RGS6: variants seen among roughly 807,000 people sequenced by gnomAD.
RGS6 encodes regulator of G protein signaling 6, also known as regulator of G-protein signaling 6.
A neutral mutation model predicts 78.5 loss-of-function variants in RGS6; 30 were observed. The ratio of observed to expected loss-of-function variants is 0.38; its 90% CI spans 0.29 to 0.52. The LOEUF (loss-of-function observed/expected upper bound fraction) is 0.52, where lower values mean the gene tolerates loss of function less well. Among genes scored for constraint, RGS6 ranks in the 20% least tolerant of loss-of-function variants. The pLI, the probability that RGS6 is intolerant of heterozygous loss-of-function variation, is 0.85. For missense variants in RGS6, 495 were observed against 609.7 expected (o/e 0.81, Z 1.98); for synonymous variants, 206 against 206.0 (o/e 1.00, Z 0.00).
intron 2 of RGS6, among the ~76,000 whole-genome samples, chr14:71,978,001 A>G (rs1386260168): frequency 2.0e-5 from 3 of 151,396 alleles, no homozygotes; most frequent in African/African-American, 4.9e-5. Flanking sequence ...TTGGATTCCT[A>G]GGTATTTTAT....
chr14:71,981,313 T>G lies in RGS6; in HGVS notation c.84+16438T>G, dbSNP rs1031938051. The stretch of plus-strand genomic sequence containing the variant: ...TGTTCCGTTGCTGGTGAGGAACTGC[T>G]TCCCTTTGGAGGAGGAGAGGCGCTC... On this transcript the variant is annotated intron_variant, in intron 2 of 17. Transcript: ENST00000553525. Among the ~76,000 whole-genome samples, 45 of 152,302 alleles carry G rather than the reference T, an allele frequency of 3.0e-4. 1 individual carries two copies. The highest frequency in any genetic ancestry group is 8.9e-4 in the African/African-American group (37 of 41,562).
chr14:71,877,294 C>T, the RGS6 span, among the ~76,000 whole-genome samples: 7 of 152,286 alleles, frequency 4.6e-5, no homozygotes, highest in South Asian at 2.1e-4. Flanking sequence ...CCATTCTCCC[C>T]GTCACTTTCA....
chr14:72,489,645 G>A (rs1247262182), intron 12 of RGS6, among the ~76,000 whole-genome samples: 1 of 152,182 alleles, frequency 6.6e-6, no homozygotes, highest in African/African-American at 2.4e-5. Flanking sequence ...GACAAAGACA[G>A]AGATGAAAGT....
chr14:72,421,139 C>G (rs2094156281), intron 3 of RGS6: 1 of 150,528 alleles, frequency 6.6e-6, no homozygotes, highest in South Asian at 2.1e-4. Flanking sequence ...GAGAGGATCT[C>G]TTTTCCCCTG....
At chr14:72,093,461 C>A (rs1051482930) in intron 2 of RGS6, among the ~76,000 whole-genome samples, 1 of 152,162 alleles carries the variant, frequency 6.6e-6, no homozygotes, top group Admixed American at 6.5e-5. Flanking sequence ...CCAGGGTGGT[C>A]TTGAACTCCT....
intron 1 of RGS6, among the ~76,000 whole-genome samples, chr14:71,946,258 C>T (rs2091492338): frequency 6.6e-6 from 1 of 152,096 alleles, no homozygotes; most frequent in Non-Finnish European, 1.5e-5. Flanking sequence ...GCATTCTTCC[C>T]AGTTGCAGAA....
intron 2 of RGS6, among the ~76,000 whole-genome samples, chr14:72,038,727 C>T (rs1246970216): frequency 6.6e-6 from 1 of 152,156 alleles, no homozygotes; most frequent in Non-Finnish European, 1.5e-5. Flanking sequence ...TTATTGCTAA[C>T]ACATAAAAAT....
At chr14:72,224,565 C>A (rs974651591) in intron 2 of RGS6, among the ~76,000 whole-genome samples, 2 of 151,618 alleles carry the variant, frequency 1.3e-5, no homozygotes, top group Admixed American at 6.6e-5. Flanking sequence ...TTTAGTACTT[C>A]TTATTATATA....
intron 2 of RGS6, among the ~76,000 whole-genome samples, chr14:72,092,297 T>TG (rs1037025766): frequency 6.6e-6 from 1 of 152,110 alleles, no homozygotes; most frequent in Non-Finnish European, 1.5e-5. Flanking sequence ...AGTGAGCTTA[T>TG]GTCTTTTTGA....
At chr14:72,121,059 C>T (rs1427568286) in intron 2 of RGS6, among the ~76,000 whole-genome samples, 1 of 152,148 alleles carries the variant, frequency 6.6e-6, no homozygotes, top group East Asian at 1.9e-4. Flanking sequence ...TACAGGATTC[C>T]TGGTCCAGCT....
At chr14:72,017,665 T>C (rs1369020206) in intron 2 of RGS6, among the ~76,000 whole-genome samples, 2 of 152,232 alleles carry the variant, frequency 1.3e-5, no homozygotes, top group Non-Finnish European at 2.9e-5. Context: ...ATAGTAACCT[T>C]TCTTGTCTCA....
In RGS6 at chr14:72,102,000, C is replaced by T. The variant is rs190545220; in HGVS notation, c.84+137125C>T. Among the ~76,000 whole-genome samples the T allele has an allele frequency of 7.9e-5, 12 of 152,272 alleles. No individual in the cohort carries two copies. In the East Asian group the frequency reaches 1.7e-3, roughly 22 times the overall value. ...TACTCAGGTTGAAGACAAGAGCAGCCGAGAAGGAGCTTTTGTAGGGAGTGG... is the reference window on the plus strand; with the variant it reads ...TACTCAGGTTGAAGACAAGAGCAGCTGAGAAGGAGCTTTTGTAGGGAGTGG... On this transcript the variant is annotated intron_variant, in intron 2 of 17. Coordinates refer to ENST00000553525, the MANE Select transcript of RGS6 (RefSeq NM_001204424.2).
rs145123795 is a variant in RGS6 at position 72,016,558 on chromosome 14, G to A, written c.84+51683G>A. On this transcript the variant is annotated intron_variant, in intron 2 of 17. Coordinates refer to ENST00000553525, the MANE Select transcript of RGS6 (RefSeq NM_001204424.2). ...TTTTTTGTATTTTTAGTAGAGATGG[G>A]GTTTCACCGTGTTAGCCAGGATTGT... 6.0e-3 allele frequency among the ~76,000 whole-genome samples: 917 copies of A among 152,116 alleles called. 11 individuals carry two copies. The highest frequency in any genetic ancestry group is 0.021 in the African/African-American group (858 of 41,482).
intron 2 of RGS6, among the ~76,000 whole-genome samples, chr14:72,149,871 C>A (rs1242224281): frequency 6.6e-6 from 1 of 152,138 alleles, no homozygotes; most frequent in East Asian, 1.9e-4. Flanking sequence ...AAAAATCATG[C>A]CTGTATGGTT....
chr14:72,368,389 T>G (rs145247110), intron 3 of RGS6, among the ~76,000 whole-genome samples: 1 of 152,314 alleles, frequency 6.6e-6, no homozygotes, highest in Non-Finnish European at 1.5e-5. Flanking sequence ...TCATTAATGA[T>G]CCCATCTCTT....
intron 1 of RGS6, among the ~76,000 whole-genome samples, chr14:71,948,768 A>G (rs1262502694): frequency 1.7e-5 from 1 of 57,222 alleles, no homozygotes; most frequent in Non-Finnish European, 3.2e-5. Flanking sequence ...TTTTTTTTTA[A>G]AGAGATGAGG....
At chr14:72,072,034 C>T (rs2094426108) in intron 2 of RGS6, among the ~76,000 whole-genome samples, 1 of 152,162 alleles carries the variant, frequency 6.6e-6, no homozygotes, top group African/African-American at 2.4e-5. Context: ...ATTTAAAAAG[C>T]AGAAATTTCT....
intron 17 of RGS6, among the ~76,000 whole-genome samples, chr14:72,546,513 C>T (rs1284832896): frequency 1.3e-5 from 2 of 152,260 alleles, no homozygotes; most frequent in East Asian, 1.9e-4. Flanking sequence ...CAGCTGTTCC[C>T]GCTGATGGTT....
At position 71,955,119 on chromosome 14, in the gene RGS6, C is replaced by A. The variant is rs368332635; in HGVS notation, c.-20-9653C>A. 1.1e-4 allele frequency among the ~76,000 whole-genome samples: 17 copies of A among 152,196 alleles called. No homozygotes were observed. In the East Asian group the frequency reaches 2.7e-3, roughly 24 times the overall value. Reference sequence around the variant, plus strand: ...GCTGTAGGTGCTAGAGGCTTCAAATCCCCCCAAGGGTCCTTGTTTTTGTCT... The same window carrying A: ...GCTGTAGGTGCTAGAGGCTTCAAATACCCCCAAGGGTCCTTGTTTTTGTCT... On this transcript the variant is annotated intron_variant, in intron 1 of 17. Coordinates refer to ENST00000553525, the MANE Select transcript of RGS6 (RefSeq NM_001204424.2).
Sources: allele counts gnomAD v4.1 joint callset (sites outside exome capture counted in the v4.1 genomes callset), GRCh38; gene constraint gnomAD v4.1.1; transcripts MANE v1.5; gene names NCBI Gene and HGNC (gene_info 2026-07-23, HGNC 2026-07-21).